The following NRG1 variants were observed in gnomAD, a reference collection of about 807,000 sequenced individuals.
NRG1 encodes the protein neuregulin 1.
NRG1 carries 18 observed loss-of-function variants against 63.8 expected under a neutral mutation model. The ratio of observed to expected loss-of-function variants is 0.28; its 90% confidence interval spans 0.19 to 0.42. The LOEUF (loss-of-function observed/expected upper bound fraction) is 0.42. Ranked by LOEUF, NRG1 falls within the 10% of genes least tolerant of loss-of-function variation. The pLI is 1.00. For missense variants in NRG1, 762 were observed against 814.7 expected (o/e 0.94, Z 0.79); for synonymous variants, 302 against 301.3 (o/e 1.00, Z -0.02).
intron 1 of NRG1, among the ~76,000 whole-genome samples, chr8:31,699,436 A>G (rs1298552405): frequency 1.3e-5 from 2 of 152,286 alleles, no homozygotes; most frequent in East Asian, 1.9e-4. Context: ...TAAGAAAAAC[A>G]TATTGTTTAG....
chr8:32,612,538 T>C (rs766228885), intron 3 of NRG1, among the ~76,000 whole-genome samples: 4 of 152,104 alleles, frequency 2.6e-5, no homozygotes, highest in Non-Finnish European at 4.4e-5. Context: ...TTATTTTAAG[T>C]TGTCTCTGTG....
chr8:32,719,587 T>C (rs371262577), intron 5 of NRG1, among the ~76,000 whole-genome samples: 1 of 152,136 alleles, frequency 6.6e-6, no homozygotes, highest in East Asian at 1.9e-4. Context: ...ATCTAATCCA[T>C]GATCAGATTT....
chr8:32,220,613 C>T (rs1845710193), intron 1 of NRG1, among the ~76,000 whole-genome samples: 1 of 152,188 alleles, frequency 6.6e-6, no homozygotes, highest in Non-Finnish European at 1.5e-5. Context: ...TATATCAGAA[C>T]TAGTCGGACC....
At chr8:31,651,771 C>G (rs1804867757) in intron 1 of NRG1, among the ~76,000 whole-genome samples, 1 of 152,092 alleles carries the variant, frequency 6.6e-6, no homozygotes, top group Non-Finnish European at 1.5e-5. Flanking sequence ...CAGGGCTTAG[C>G]TGGGCTAGGT....
chr8:32,242,998 G>A (rs1848258817), intron 1 of NRG1, among the ~76,000 whole-genome samples: 2 of 152,100 alleles, frequency 1.3e-5, no homozygotes, highest in African/African-American at 4.8e-5. Context: ...TCCTTCTGAG[G>A]GCTGCAAGGG....
At chr8:31,643,831 G>A (rs924584292) in intron 1 of NRG1, among the ~76,000 whole-genome samples, 12 of 152,232 alleles carry the variant, frequency 7.9e-5, no homozygotes, top group African/African-American at 2.7e-4. Context: ...TGAGGCAGAA[G>A]CTGATTTCCA....
chr8:32,190,178 A>G (rs1454738080), intron 1 of NRG1, among the ~76,000 whole-genome samples: 1 of 150,730 alleles, frequency 6.6e-6, no homozygotes, highest in African/African-American at 2.4e-5. Context: ...AAAATGTATT[A>G]TTATTATTAT....
exon 12 of NRG1, chr8:32,766,803 A>G (rs1831464620): frequency 6.6e-6 from 1 of 152,140 alleles, no homozygotes; most frequent in African/African-American, 2.4e-5. Context: ...ACCCTTCATA[A>G]AAAAGGCCAG....
Position 31,907,460 on chromosome 8 carries a change from A to G in NRG1, c.37+268029A>G, listed in dbSNP as rs181929843. On this transcript the variant is annotated intron_variant, in intron 1 of 10. Coordinates refer to the NRG1 transcript ENST00000519301. ...CAAAGTTATGTAGTTCTCGAGAGTT[A>G]TAGAAAACCAGGTTTGCATCTTGGC... Among the ~76,000 whole-genome samples the G allele has an allele frequency of 5.1e-4, 77 of 151,252 alleles. 1 individual carries two copies. The highest frequency in any genetic ancestry group is 1.6e-3 in the African/African-American group (67 of 41,152).
Position 32,070,414 on chromosome 8 carries a change from C to T in NRG1, c.37+430983C>T, listed in dbSNP as rs186719191. Among the ~76,000 whole-genome samples the T allele has an allele frequency of 5.4e-3, 819 of 152,176 alleles. 4 individuals carry two copies. The highest frequency in any genetic ancestry group is 8.0e-3 in the Non-Finnish European group (547 of 68,010). On this transcript the variant is annotated intron_variant, in intron 1 of 10. Coordinates refer to the NRG1 transcript ENST00000519301. ...ATCTTTCAAATATCTGTTAAAGTGC[C>T]TAATAATAGCATAATAGCTACTCAA... is the stretch of plus-strand genomic sequence containing the variant.
At chr8:31,713,148 G>A (rs543945867) in intron 1 of NRG1, among the ~76,000 whole-genome samples, 7 of 118,500 alleles carry the variant, frequency 5.9e-5, no homozygotes, top group Non-Finnish European at 6.5e-5. Context: ...ACGGAGTCTC[G>A]CTTTGTCGCC....
chr8:32,661,111 G>A (rs911592096), intron 5 of NRG1, among the ~76,000 whole-genome samples: 11 of 152,190 alleles, frequency 7.2e-5, no homozygotes, highest in African/African-American at 2.4e-4. Flanking sequence ...GAAATAGAGC[G>A]ACATGGATGG....
chr8:32,769,341 G>A (rs549234445), downstream of NRG1, among the ~76,000 whole-genome samples: 10 of 152,240 alleles, frequency 6.6e-5, no homozygotes, highest in Middle Eastern at 3.4e-3. Flanking sequence ...CAGATTGAAT[G>A]TCTGGATAAT....
chr8:31,640,635 C>A lies in NRG1; in HGVS notation c.37+1204C>A. The A allele has an allele frequency of 1.2e-6, 2 of 1,609,910 alleles. No homozygotes were observed. The highest frequency in any genetic ancestry group is 1.7e-6 in the Non-Finnish European group (2 of 1,178,908). On this transcript the variant is annotated intron_variant, in intron 1 of 10. Coordinates refer to the NRG1 transcript ENST00000519301. This position sits in a 1 kb window ranked among gnomAD's most constrained non-coding sequence, Gnocchi z 6.3. ...TGGAGCCCGACGCCAACAGCACCAG[C>A]CGCGCGCCGGCCGCCTTCCGAGCCT... is the stretch of plus-strand genomic sequence containing the variant.
intron 1 of NRG1, among the ~76,000 whole-genome samples, chr8:32,195,772 G>A (rs533588341): frequency 3.0e-4 from 46 of 152,208 alleles, no homozygotes; most frequent in African/African-American, 1.0e-3. Flanking sequence ...AAATCCTAGC[G>A]TAGACATTGA....
chr8:31,708,043 T>C (rs1811323058), intron 1 of NRG1, among the ~76,000 whole-genome samples: 2 of 152,184 alleles, frequency 1.3e-5, no homozygotes, highest in African/African-American at 2.4e-5. Context: ...TTGGTCTCGG[T>C]TGGCTGTATT....
At position 32,025,774 on chromosome 8, in the gene NRG1, C is replaced by T. The variant is rs1367244903; in HGVS notation, c.37+386343C>T. Among the ~76,000 whole-genome samples, 2 of 151,688 alleles carry T rather than the reference C, an allele frequency of 1.3e-5. 1 individual carries two copies. Among genetic ancestry groups the T allele is most frequent in the African/African-American group, 4.8e-5 (2 of 41,358 alleles). On this transcript the variant is annotated intron_variant, in intron 1 of 10. Coordinates refer to the NRG1 transcript ENST00000519301. ...CATCCTGGCTAACAAGGTGAAATCC[C>T]GTCTCTAGTAAAAAATACAAAAAAT... is the stretch of plus-strand genomic sequence containing the variant.
At chr8:32,756,285 T>G in intron 8 of NRG1, 118 bp from the exon 9 acceptor site, 3 of 1,126,410 alleles carry the variant, frequency 2.7e-6, no homozygotes, top group Non-Finnish European at 3.7e-6. Context: ...CCTTCCCTCT[T>G]CCTCATCACC....
intron 1 of NRG1, among the ~76,000 whole-genome samples, chr8:31,885,050 A>G (rs1830617182): frequency 6.6e-6 from 1 of 152,130 alleles, no homozygotes; most frequent in Non-Finnish European, 1.5e-5. Flanking sequence ...GCAACGAATA[A>G]GAAGAAATTG....
Sources: gnomAD v4.1 joint callset for allele counts (sites outside exome capture counted in the v4.1 genomes callset) on GRCh38, gnomAD v4.1.1 for gene constraint, Gnocchi (gnomAD v3.1) non-coding constraint, MANE v1.5 for transcripts, NCBI Gene and HGNC (gene_info 2026-07-23, HGNC 2026-07-21) for gene names.